The following CDH4 variants were observed in gnomAD, a reference collection of about 807,000 sequenced individuals.
CDH4 encodes cadherin-4.
In CDH4, 33 loss-of-function variants were observed where a neutral mutation model predicts 86.0. That is an observed-to-expected ratio of 0.38 (90% CI 0.29 to 0.51). The LOEUF is 0.51. CDH4 is among the 20% of genes least tolerant of loss of function. CDH4 has a pLI of 0.86. For missense variants in CDH4, 1,114 were observed against 1,307.4 expected (o/e 0.85, Z 2.28); for synonymous variants, 555 against 549.4 (o/e 1.01, Z -0.14).
chr20:61,690,835 A>G (rs558390643), intron 2 of CDH4, among the ~76,000 whole-genome samples: 1 of 152,192 alleles, frequency 6.6e-6, no homozygotes, highest in South Asian at 2.1e-4. Context: ...TAGGTTTTCC[A>G]GAGTCTGTGA....
chr20:61,866,526 G>A (rs183857979), intron 6 of CDH4, among the ~76,000 whole-genome samples: 1 of 152,298 alleles, frequency 6.6e-6, no homozygotes, highest in East Asian at 1.9e-4. Flanking sequence ...CATTTGACAT[G>A]TGGAAAATGT....
At chr20:61,541,364 G>A (rs1473458221) in intron 2 of CDH4, among the ~76,000 whole-genome samples, 1 of 152,160 alleles carries the variant, frequency 6.6e-6, no homozygotes, top group Non-Finnish European at 1.5e-5. Flanking sequence ...CCTGGTGGTC[G>A]GCACCCTCTG....
chr20:61,643,998 G>A (rs1004576566), intron 2 of CDH4, among the ~76,000 whole-genome samples: 2 of 152,258 alleles, frequency 1.3e-5, no homozygotes, highest in Non-Finnish European at 2.9e-5. Flanking sequence ...AGACAGCTGA[G>A]GGTTGACAGC....
At chr20:61,707,633 C>A (rs1445475434) in intron 2 of CDH4, among the ~76,000 whole-genome samples, 1 of 152,210 alleles carries the variant, frequency 6.6e-6, no homozygotes, top group Admixed American at 6.5e-5. Context: ...GGTCCCCAAA[C>A]TTTTTGGCAC....
At chr20:61,857,307 G>A (rs765889965) in intron 6 of CDH4, among the ~76,000 whole-genome samples, 6 of 152,250 alleles carry the variant, frequency 3.9e-5, no homozygotes, top group Admixed American at 1.3e-4. Context: ...CCCGGGCTGC[G>A]TATGTGACCC....
chr20:61,368,611 G>A lies in CDH4; in HGVS notation c.169+113674G>A, dbSNP rs552886757. Among the ~76,000 whole-genome samples the A allele has an allele frequency of 1.1e-4, 16 of 151,984 alleles. No individual in the cohort carries two copies. In the East Asian group the frequency reaches 1.7e-3, roughly 17 times the overall value. On this transcript the variant is annotated intron_variant, in intron 2 of 15. Coordinates refer to ENST00000614565, the MANE Select transcript of CDH4 (RefSeq NM_001794.5). ...GGCTCACTGCAACCTCCACCTCCTGGGTTCAAGTGATTCTCCTGCCTTAGC... is the reference window on the plus strand; with the variant it reads ...GGCTCACTGCAACCTCCACCTCCTGAGTTCAAGTGATTCTCCTGCCTTAGC...
At chr20:61,418,020 G>A (rs186926608) in intron 2 of CDH4, among the ~76,000 whole-genome samples, 2 of 152,084 alleles carry the variant, frequency 1.3e-5, no homozygotes, top group East Asian at 2.0e-4. Flanking sequence ...CAGATCACAA[G>A]CAGAAGTCTC....
At chr20:61,351,872 A>T (rs556237240) in intron 2 of CDH4, among the ~76,000 whole-genome samples, 5 of 152,174 alleles carry the variant, frequency 3.3e-5, no homozygotes, top group Admixed American at 1.3e-4. Flanking sequence ...AGGCGCCACC[A>T]TACCAGGCTA....
chr20:61,546,003 TG>T (rs1365431316), intron 2 of CDH4, among the ~76,000 whole-genome samples: 20 of 81,002 alleles, frequency 2.5e-4, no homozygotes, highest in East Asian at 4.0e-4. Context: ...TGTGCATGTG[TG>T]GAGGGGGTAT....
Position 61,777,679 on chromosome 20 carries a change from TAC to T in CDH4, c.576+4498_576+4499del, listed in dbSNP as rs2088858878. ...ACGTGCATACAAAGACACACACCCA[TAC>T]GCGCACACACGTGCATACAAAAACA... On this transcript the variant is annotated intron_variant, in intron 4 of 15. Transcript: ENST00000614565. Among the ~76,000 whole-genome samples, 2 of 78,272 alleles carry T rather than the reference TAC, an allele frequency of 2.6e-5. 1 individual carries two copies. Among genetic ancestry groups the T allele is most frequent in the Non-Finnish European group, 5.9e-5 (2 of 33,902 alleles). The allele number at this position is 78,272 out of a possible 152,430, so 51.3% of individuals were successfully genotyped here.
At chr20:61,389,314 A>G (rs951642240) in intron 2 of CDH4, among the ~76,000 whole-genome samples, 2 of 152,254 alleles carry the variant, frequency 1.3e-5, no homozygotes, top group Admixed American at 1.3e-4. Flanking sequence ...ATCTTATCAC[A>G]TGGCATGTCC....
At chr20:61,257,314 AATGG>A (rs1211189369) in intron 2 of CDH4, among the ~76,000 whole-genome samples, 1 of 152,224 alleles carries the variant, frequency 6.6e-6, no homozygotes, top group Non-Finnish European at 1.5e-5. Context: ...GTTTATGATA[AATGG>A]ATGGAAGAAA....
At chr20:61,528,461 G>GGGGGGGA (rs2085928156) in intron 2 of CDH4, among the ~76,000 whole-genome samples, 1 of 109,244 alleles carries the variant, frequency 9.2e-6, no homozygotes. Flanking sequence ...TGGAGGGGGA[G>GGGGGGGA]AGGGAGGGGG....
chr20:61,331,590 C>T (rs1003883893), intron 2 of CDH4, among the ~76,000 whole-genome samples: 58 of 147,566 alleles, frequency 3.9e-4, no homozygotes, highest in South Asian at 6.5e-4. Flanking sequence ...TGCCCCAGGC[C>T]CACCTCCTGC....
chr20:61,398,280 G>A (rs777167813), intron 2 of CDH4, among the ~76,000 whole-genome samples: 40 of 152,340 alleles, frequency 2.6e-4, no homozygotes, highest in Admixed American at 5.9e-4. Flanking sequence ...GCACGGAAGG[G>A]ACAATGTTCC....
At chr20:61,321,967 C>G (rs1600864740) in intron 2 of CDH4, among the ~76,000 whole-genome samples, 1 of 151,788 alleles carries the variant, frequency 6.6e-6, no homozygotes, top group East Asian at 1.9e-4. Context: ...TAACAAGGAG[C>G]TGCATTATTA....
At chr20:61,886,095 C>T (rs1984527937) in intron 7 of CDH4, among the ~76,000 whole-genome samples, 1 of 152,202 alleles carries the variant, frequency 6.6e-6, no homozygotes. Context: ...TATGTACCGC[C>T]TCTAGGTGCA....
chr20:61,478,514 C>T (rs914807529), intron 2 of CDH4, among the ~76,000 whole-genome samples: 2 of 152,220 alleles, frequency 1.3e-5, no homozygotes, highest in African/African-American at 2.4e-5. Context: ...CAGTGTAGCA[C>T]ATCTGTGCAT....
intron 2 of CDH4, among the ~76,000 whole-genome samples, chr20:61,605,031 A>T (rs2086631772): frequency 6.6e-6 from 1 of 152,216 alleles, no homozygotes; most frequent in South Asian, 2.1e-4. Flanking sequence ...TGGTGCAGAC[A>T]GTGTGGAAGG....
Sources: gnomAD v4.1 joint callset for allele counts (sites outside exome capture counted in the v4.1 genomes callset) on GRCh38, gnomAD v4.1.1 for gene constraint, MANE v1.5 for transcripts, NCBI Gene and HGNC (gene_info 2026-07-23, HGNC 2026-07-21) for gene names.